The following TMEM131 variants were observed in gnomAD, a reference collection of about 807,000 sequenced individuals.
The protein encoded by TMEM131 is 2610524E03Rik.
A neutral mutation model predicts 211.6 loss-of-function variants in TMEM131; 66 were observed. The ratio of observed to expected loss-of-function variants is 0.31; its 90% CI spans 0.26 to 0.38. The LOEUF is 0.38. Ranked by LOEUF, TMEM131 falls within the 10% of genes least tolerant of loss-of-function variation. TMEM131 has a pLI of 1.00. For missense variants in TMEM131, 2,036 were observed against 2,299.3 expected, an observed-to-expected ratio of 0.89 and a Z score of 2.34; for synonymous variants, 844 against 841.3, an observed-to-expected ratio of 1.00 and a Z score of -0.06.
At chr2:97,792,287 A>AGCCAGAGGAACCT (rs1680532492) in intron 31 of TMEM131, 99 bp downstream of exon 31, 2 of 1,007,798 alleles carry the variant, frequency 2.0e-6, no homozygotes, top group Non-Finnish European at 2.8e-6. Flanking sequence ...GAACCTACTG[A>AGCCAGAGGAACCT]ATTAGTTGTT....
chr2:97,826,345 C>A (rs373532968), intron 11 of TMEM131, among the ~76,000 whole-genome samples: 1 of 152,168 alleles, frequency 6.6e-6, no homozygotes, highest in Non-Finnish European at 1.5e-5. Flanking sequence ...CCTACATGCC[C>A]ATGCTGCAAT....
chr2:97,966,034 TAAAAA>T (rs917844310), intron 1 of TMEM131, among the ~76,000 whole-genome samples: 2 of 150,860 alleles, frequency 1.3e-5, no homozygotes, highest in African/African-American at 4.9e-5. Flanking sequence ...AGCAATTTTT[TAAAAA>T]AAAACTTAAA....
At chr2:97,779,595 C>T (rs1679900788) in intron 31 of TMEM131, among the ~76,000 whole-genome samples, 2 of 152,236 alleles carry the variant, frequency 1.3e-5, no homozygotes, top group African/African-American at 4.8e-5. Context: ...GTCCGCATCA[C>T]CTGGGACCTT....
At chr2:97,871,424 G>A (rs1276033001) in intron 4 of TMEM131, among the ~76,000 whole-genome samples, 1 of 152,228 alleles carries the variant, frequency 6.6e-6, no homozygotes, top group African/African-American at 2.4e-5. Context: ...GAAAAGCCAT[G>A]AGGTTAGGGT....
At chr2:97,899,951 T>C (rs1573531079) in intron 3 of TMEM131, among the ~76,000 whole-genome samples, 1 of 152,118 alleles carries the variant, frequency 6.6e-6, no homozygotes, top group East Asian at 1.9e-4. Flanking sequence ...TCTTGACTTA[T>C]GATGAGGTGA....
intron 8 of TMEM131, among the ~76,000 whole-genome samples, chr2:97,836,374 C>T (rs1201305059): frequency 6.6e-6 from 1 of 152,180 alleles, no homozygotes; most frequent in Non-Finnish European, 1.5e-5. Flanking sequence ...AATTTGTGTT[C>T]CTCCATTACA....
At chr2:97,759,207 C>A in intron 39 of TMEM131, 154 bp from the exon 40 acceptor site, 1 of 882,012 alleles carries the variant, frequency 1.1e-6, no homozygotes. Flanking sequence ...GAAGTAGGGG[C>A]AGGAGTGTCC....
At chr2:97,959,278 T>C (rs1294124375) in intron 1 of TMEM131, among the ~76,000 whole-genome samples, 1 of 152,128 alleles carries the variant, frequency 6.6e-6, no homozygotes, top group Non-Finnish European at 1.5e-5. Context: ...GGAGGGTCTG[T>C]TTCAATGAGC....
chr2:97,926,863 A>G (rs1439436764), intron 2 of TMEM131, among the ~76,000 whole-genome samples: 1 of 152,220 alleles, frequency 6.6e-6, no homozygotes, highest in Non-Finnish European at 1.5e-5. Flanking sequence ...CAATCAATAC[A>G]GAGCAAACAC....
chr2:97,770,528 C>T (rs770594573), intron 33 of TMEM131, among the ~76,000 whole-genome samples: 4 of 152,204 alleles, frequency 2.6e-5, no homozygotes, highest in Admixed American at 2.0e-4. Context: ...CCACTCTAAG[C>T]TTTTTGGTTT....
At position 97,971,061 on chromosome 2, in the gene TMEM131, T is replaced by C. The variant is rs190495250; in HGVS notation, c.187+24415A>G. 2.0e-3 allele frequency among the ~76,000 whole-genome samples: 302 copies of C among 152,338 alleles called. No individual in the cohort carries two copies. In the Middle Eastern group the frequency reaches 0.02, roughly 10 times the overall value. ...TACTTTAGAATTCTATCAATAATTATTTAAACATATGAAGAAGATGGGAGT... is the reference window on the plus strand; with the variant it reads ...TACTTTAGAATTCTATCAATAATTACTTAAACATATGAAGAAGATGGGAGT... On this transcript the variant is annotated intron_variant, in intron 1 of 40. Coordinates refer to ENST00000186436, the MANE Select transcript of TMEM131 (RefSeq NM_015348.2).
chr2:97,912,492 T>C (rs1573547107), intron 2 of TMEM131, among the ~76,000 whole-genome samples: 1 of 152,158 alleles, frequency 6.6e-6, no homozygotes, highest in Non-Finnish European at 1.5e-5. Flanking sequence ...ATTTTTTTAA[T>C]CTTCTATCAA....
intron 1 of TMEM131, among the ~76,000 whole-genome samples, chr2:97,945,984 T>G (rs1436618204): frequency 6.6e-6 from 1 of 152,156 alleles, no homozygotes; most frequent in Admixed American, 6.5e-5. Context: ...GCTGCTGACA[T>G]GTCTGTGACT....
chr2:97,911,049 C>T (rs1222058837), intron 2 of TMEM131, among the ~76,000 whole-genome samples: 3 of 152,160 alleles, frequency 2.0e-5, no homozygotes, highest in Admixed American at 6.5e-5. Flanking sequence ...CAAACTTCCA[C>T]GTATCCAGGT....
At position 97,766,263 on chromosome 2, in the gene TMEM131, C is replaced by T. The variant is rs751994220; in HGVS notation, c.4574G>A (p.Gly1525Asp). ...SKSRNAQKTK[G>D]TSKLVDNRPP... is the part of the protein sequence containing the mutation. The stretch of plus-strand genomic sequence containing the variant: ...TCTGTTATCCACTAACTTACTTGTA[C>T]CTGCACAAAAATCAGAAAAGAACAT... Residue 1525 changes from glycine (G) to aspartate (D), a missense_variant and splice_region_variant, in exon 35 of 41, where the codon GGT becomes GAT. Physicochemically the swap from Gly to Asp is moderately conservative, Grantham distance 94 (BLOSUM62 -1). This residue lies in a region of TMEM131 where 1,623 missense variants were observed against 1,805.9 expected (regional missense o/e 0.90). Coordinates refer to ENST00000186436, the MANE Select transcript of TMEM131 (RefSeq NM_015348.2). The T allele has an allele frequency of 6.2e-7, 1 of 1,613,942 alleles. No homozygotes were observed. Among genetic ancestry groups the T allele is most frequent in the Non-Finnish European group, 8.5e-7 (1 of 1,179,872 alleles).
chr2:97,760,716 G>C (rs1678790073), intron 37 of TMEM131, 27 bp from the exon 38 acceptor site: 1 of 1,613,858 alleles, frequency 6.2e-7, no homozygotes. Context: ...TCAATCAATG[G>C]AAGGCACATT....
intron 2 of TMEM131, among the ~76,000 whole-genome samples, chr2:97,923,104 CATG>C (rs1676814448): frequency 6.6e-6 from 1 of 151,992 alleles, no homozygotes; most frequent in Non-Finnish European, 1.5e-5. Context: ...ACCTGGCCAA[CATG>C]GTGAAACTCT....
At chr2:97,790,703 G>A (rs958401048) in intron 31 of TMEM131, among the ~76,000 whole-genome samples, 2 of 152,104 alleles carry the variant, frequency 1.3e-5, no homozygotes, top group Admixed American at 6.5e-5. Flanking sequence ...TGGGGAAAAC[G>A]CTATGTAACT....
intron 2 of TMEM131, 101 bp downstream of exon 2, chr2:97,927,325 T>C (rs944915616): frequency 4.5e-6 from 4 of 885,474 alleles, no homozygotes; most frequent in Middle Eastern, 7.0e-4. Context: ...TCATAAAATA[T>C]AAATATATTT....
Sources: allele counts gnomAD v4.1 joint callset (sites outside exome capture counted in the v4.1 genomes callset), GRCh38; gene constraint gnomAD v4.1.1; regional missense constraint gnomAD v4.1.1; transcripts MANE v1.5; gene names NCBI Gene and HGNC (gene_info 2026-07-23, HGNC 2026-07-21).